Variants in MSRA observed in about 807,000 individuals in gnomAD.
MSRA encodes methionine sulfoxide reductase A.
MSRA carries 54 observed loss-of-function variants against 31.3 expected under a neutral mutation model. The ratio of observed to expected loss-of-function variants is 1.73; its 90% confidence interval spans 1.39 to 2.17. The LOEUF (loss-of-function observed/expected upper bound fraction) is 2.17, where lower values mean the gene tolerates loss of function less well. Among genes scored for constraint, MSRA ranks in the 30% most tolerant of loss-of-function variants. MSRA has a pLI of 0.00. For missense variants in MSRA, 507 were observed against 300.9 expected, an observed-to-expected ratio of 1.69 and a Z score of -5.07; for synonymous variants, 169 against 116.5, an observed-to-expected ratio of 1.45 and a Z score of -2.90.
At chr8:10,114,617 A>G (rs1277919445) in intron 1 of MSRA, among the ~76,000 whole-genome samples, 2 of 152,342 alleles carry the variant, frequency 1.3e-5, no homozygotes, top group East Asian at 1.9e-4. Context: ...GGATTTTGCT[A>G]GAAGGCTCTA....
intron 5 of MSRA, among the ~76,000 whole-genome samples, chr8:10,344,912 G>T (rs1803674189): frequency 6.6e-6 from 1 of 152,122 alleles, no homozygotes; most frequent in African/African-American, 2.4e-5. Context: ...AAAAATAATT[G>T]TTCTTGTGAT....
At chr8:10,067,973 T>G (rs1797546217) in intron 1 of MSRA, among the ~76,000 whole-genome samples, 1 of 132,200 alleles carries the variant, frequency 7.6e-6, no homozygotes, top group Non-Finnish European at 1.6e-5. Flanking sequence ...AACCTCTGCC[T>G]CCCAGGCCCG....
intron 1 of MSRA, among the ~76,000 whole-genome samples, chr8:10,185,815 T>C (rs1232838534): frequency 1.3e-5 from 2 of 152,216 alleles, no homozygotes; most frequent in Middle Eastern, 3.2e-3. Flanking sequence ...TCAACTCTAA[T>C]GCCAGGACCA....
intron 3 of MSRA, among the ~76,000 whole-genome samples, chr8:10,285,737 T>A (rs902068337): frequency 6.6e-6 from 1 of 152,088 alleles, no homozygotes; most frequent in Non-Finnish European, 1.5e-5. Flanking sequence ...AGAGAGAACA[T>A]GCGGTATTTA....
intron 5 of MSRA, among the ~76,000 whole-genome samples, chr8:10,409,444 A>G (rs1585713235): frequency 6.6e-6 from 1 of 152,320 alleles, no homozygotes; most frequent in South Asian, 2.1e-4. Flanking sequence ...AATTCTTTTT[A>G]GTTAAGATGG....
At chr8:10,208,399 T>C (rs1003753557) in intron 2 of MSRA, among the ~76,000 whole-genome samples, 10 of 152,308 alleles carry the variant, frequency 6.6e-5, no homozygotes, top group Middle Eastern at 3.4e-3. Flanking sequence ...CTGAGTGATA[T>C]ACTTAAAATG....
At chr8:10,389,280 G>A (rs201572025) in intron 5 of MSRA, among the ~76,000 whole-genome samples, 61 of 152,292 alleles carry the variant, frequency 4.0e-4, no homozygotes, top group African/African-American at 1.3e-3. Context: ...GTCATCTTCC[G>A]AATGGAGGAG....
chr8:10,385,086 G>A lies in MSRA; in HGVS notation c.544-43062G>A, dbSNP rs1056660287. Among the ~76,000 whole-genome samples the A allele has an allele frequency of 3.3e-5, 5 of 152,290 alleles. No homozygotes were observed. In the East Asian group the frequency reaches 5.8e-4, roughly 18 times the overall value. ...GGGAAGAGAATTCAGGCTCAACTTCGAATGCAAAGGACAAGTGGGAGTTCA... is the reference window on the plus strand; with the variant it reads ...GGGAAGAGAATTCAGGCTCAACTTCAAATGCAAAGGACAAGTGGGAGTTCA... On this transcript the variant is annotated intron_variant, in intron 5 of 5. Coordinates refer to ENST00000317173, the MANE Select transcript of MSRA (RefSeq NM_012331.5).
chr8:10,346,405 C>T (rs950734151), intron 5 of MSRA, among the ~76,000 whole-genome samples: 1 of 152,186 alleles, frequency 6.6e-6, no homozygotes, highest in Non-Finnish European at 1.5e-5. Context: ...CACCCTCCCC[C>T]ACTCTAGGGA....
intron 1 of MSRA, among the ~76,000 whole-genome samples, chr8:10,128,327 C>T (rs889137965): frequency 2.0e-5 from 3 of 151,406 alleles, no homozygotes; most frequent in East Asian, 1.9e-4. Flanking sequence ...TGCCCTGAGC[C>T]GAGATTGCAC....
intron 1 of MSRA, among the ~76,000 whole-genome samples, chr8:10,204,100 A>G (rs1808737189): frequency 2.0e-5 from 3 of 152,256 alleles, no homozygotes; most frequent in South Asian, 4.1e-4. Flanking sequence ...GGAAGAGCTT[A>G]TAGAATAAAT....
intron 5 of MSRA, among the ~76,000 whole-genome samples, chr8:10,366,394 G>A (rs1187279666): frequency 6.6e-6 from 1 of 152,272 alleles, no homozygotes; most frequent in Non-Finnish European, 1.5e-5. Flanking sequence ...GCAGGGCACT[G>A]CGTGGCCCTG....
At chr8:10,376,391 A>C (rs1262244582) in intron 5 of MSRA, among the ~76,000 whole-genome samples, 1 of 152,164 alleles carries the variant, frequency 6.6e-6, no homozygotes, top group Non-Finnish European at 1.5e-5. Context: ...TTTAGAAAAT[A>C]CCTAATTAGA....
chr8:10,146,793 T>C (rs1803182565), intron 1 of MSRA, among the ~76,000 whole-genome samples: 1 of 152,212 alleles, frequency 6.6e-6, no homozygotes, highest in Admixed American at 6.5e-5. Flanking sequence ...AGCCCTGGGC[T>C]GGAGCAGACG....
intron 2 of MSRA, among the ~76,000 whole-genome samples, chr8:10,214,862 T>C (rs922193730): frequency 2.0e-5 from 3 of 152,238 alleles, no homozygotes; most frequent in African/African-American, 7.2e-5. Context: ...ATTTCAACTT[T>C]CGTTTTCTTC....
At chr8:10,207,781 T>A in intron 1 of MSRA, 52 bp from the exon 2 acceptor site, 1 of 1,507,220 alleles carries the variant, frequency 6.6e-7, no homozygotes, top group Non-Finnish European at 9.0e-7. Flanking sequence ...CATGTGTTAG[T>A]ATGTGTTAGA....
chr8:10,163,956 G>A (rs1457176253), intron 1 of MSRA, among the ~76,000 whole-genome samples: 1 of 152,220 alleles, frequency 6.6e-6, no homozygotes, highest in Non-Finnish European at 1.5e-5. Context: ...CATATTCTGA[G>A]TCCACAAGGG....
chr8:10,172,456 G>A (rs1341733211), intron 1 of MSRA, among the ~76,000 whole-genome samples: 1 of 152,134 alleles, frequency 6.6e-6, no homozygotes. Context: ...GGGCAGGGGA[G>A]GGGGAGGCAA....
At position 10,235,503 on chromosome 8, in the gene MSRA, C is replaced by T. The variant is rs1261927762; in HGVS notation, c.212-9601C>T. On this transcript the variant is annotated intron_variant, in intron 2 of 5. Coordinates refer to ENST00000317173, the MANE Select transcript of MSRA (RefSeq NM_012331.5). ...GGTAGGAAATGAGCAGACTAACAGA[C>T]CAAAAAGTAAACTGCAAAACAAGAT... Among the ~76,000 whole-genome samples the T allele has an allele frequency of 2.0e-5, 3 of 151,634 alleles. No individual in the cohort carries two copies. In the East Asian group the frequency reaches 5.8e-4, roughly 29 times the overall value.
Sources: allele counts gnomAD v4.1 joint callset (sites outside exome capture counted in the v4.1 genomes callset), GRCh38; gene constraint gnomAD v4.1.1; transcripts MANE v1.5; gene names NCBI Gene and HGNC (gene_info 2026-07-23, HGNC 2026-07-21).